The following EPB41L5 variants were observed in gnomAD, a reference collection of about 807,000 sequenced individuals.
EPB41L5 encodes erythrocyte membrane protein band 4.1 like 5.
A neutral mutation model predicts 106.6 loss-of-function variants in EPB41L5; 55 were observed. The ratio of observed to expected loss-of-function variants is 0.52; its 90% CI spans 0.42 to 0.65. EPB41L5 has a LOEUF of 0.65. Ranked by LOEUF, EPB41L5 falls within the 30% of genes least tolerant of loss-of-function variation. The pLI, the probability that EPB41L5 is intolerant of heterozygous loss-of-function variation, is 0.00. For synonymous variants in EPB41L5, 297 were observed against 306.7 expected (o/e 0.97, Z 0.33); for missense variants, 871 against 882.1 (o/e 0.99, Z 0.16).
intron 16 of EPB41L5, among the ~76,000 whole-genome samples, chr2:120,126,921 T>C (rs1471250169): frequency 1.3e-5 from 2 of 152,198 alleles, no homozygotes; most frequent in African/African-American, 4.8e-5. Context: ...AGTCTATTTA[T>C]TTAGATCTCC....
At chr2:120,085,602 T>G (rs151256449) in intron 10 of EPB41L5, among the ~76,000 whole-genome samples, 628 of 152,336 alleles carry the variant, frequency 4.1e-3, no homozygotes, top group Non-Finnish European at 6.6e-3. Context: ...GATCTCAAAC[T>G]CCGTGCTGAG....
intron 3 of EPB41L5, among the ~76,000 whole-genome samples, chr2:120,052,025 C>T (rs1680324052): frequency 6.6e-6 from 1 of 152,182 alleles, no homozygotes; most frequent in African/African-American, 2.4e-5. Context: ...CAGGGTTTCA[C>T]CACATTGGCC....
chr2:120,123,989 T>C (rs1161896155), intron 16 of EPB41L5, among the ~76,000 whole-genome samples: 1 of 152,112 alleles, frequency 6.6e-6, no homozygotes, highest in Non-Finnish European at 1.5e-5. Flanking sequence ...CTTTCTCCCC[T>C]TATTCTTGTG....
chr2:120,068,425 C>T (rs1446282979), intron 3 of EPB41L5, among the ~76,000 whole-genome samples: 1 of 152,194 alleles, frequency 6.6e-6, no homozygotes, highest in African/African-American at 2.4e-5. Context: ...GGATCTCACT[C>T]CCATGGAGCC....
chr2:120,028,020 A>G lies in EPB41L5; in HGVS notation c.180+8756A>G, dbSNP rs144826028. 7.6e-3 allele frequency among the ~76,000 whole-genome samples: 1,160 copies of G among 151,654 alleles called. 12 individuals are homozygous for G. Among genetic ancestry groups the G allele is most frequent in the African/African-American group, 0.027 (1,100 of 41,334 alleles). On this transcript the variant is annotated intron_variant, in intron 2 of 24. Transcript: ENST00000263713. The stretch of plus-strand genomic sequence containing the variant: ...TGGGATTACAGGCGCCCACCACCAC[A>G]CCCAGCTAATTTTTGTTATTTTTAG...
At chr2:120,103,860 T>G (rs979766537) in intron 16 of EPB41L5, among the ~76,000 whole-genome samples, 1 of 152,230 alleles carries the variant, frequency 6.6e-6, no homozygotes, top group Non-Finnish European at 1.5e-5. Flanking sequence ...ATTGGTATTT[T>G]TCATTACATG....
intron 10 of EPB41L5, among the ~76,000 whole-genome samples, chr2:120,079,273 A>G (rs780903098): frequency 6.5e-4 from 99 of 152,284 alleles, no homozygotes; most frequent in Non-Finnish European, 8.5e-4. Context: ...ATAGCCCACT[A>G]CGTATATTTT....
intron 2 of EPB41L5, among the ~76,000 whole-genome samples, chr2:120,026,031 A>G (rs1290318408): frequency 3.9e-5 from 6 of 152,198 alleles, no homozygotes; most frequent in Admixed American, 2.0e-4. Context: ...TAAAAAGAAT[A>G]GTCTTTTTAA....
chr2:120,078,809 A>G (rs1245787951), intron 10 of EPB41L5, among the ~76,000 whole-genome samples: 2 of 152,132 alleles, frequency 1.3e-5, no homozygotes, highest in Non-Finnish European at 2.9e-5. Flanking sequence ...ACCACAATCT[A>G]TATCTTGATA....
At chr2:120,152,842 G>T (rs1480409792) in intron 20 of EPB41L5, among the ~76,000 whole-genome samples, 1 of 152,164 alleles carries the variant, frequency 6.6e-6, no homozygotes, top group Non-Finnish European at 1.5e-5. Flanking sequence ...TTGTTTTCAG[G>T]AATGTTTGCA....
intron 16 of EPB41L5, among the ~76,000 whole-genome samples, 183 bp from the exon 17 acceptor site, chr2:120,127,505 A>G (rs960842862): frequency 5.9e-5 from 9 of 152,170 alleles, no homozygotes; most frequent in East Asian, 5.8e-4. Flanking sequence ...TATAAATGCT[A>G]TGTAAATAGT....
intron 3 of EPB41L5, among the ~76,000 whole-genome samples, chr2:120,055,106 G>A (rs1680557938): frequency 6.6e-6 from 1 of 151,972 alleles, no homozygotes; most frequent in South Asian, 2.1e-4. Flanking sequence ...CAGGCAATCC[G>A]CCTGCCTCGG....
chr2:120,076,184 T>TC (rs2105326012), intron 7 of EPB41L5, among the ~76,000 whole-genome samples: 1 of 152,346 alleles, frequency 6.6e-6, no homozygotes, highest in East Asian at 1.9e-4. Context: ...TGCTGCTTTC[T>TC]CCCCCCGATT....
chr2:120,090,478 A>T lies in EPB41L5; in HGVS notation c.1005A>T (p.Arg335=). 6.2e-7 allele frequency: 1 copy of T among 1,613,588 alleles called. No homozygotes were observed. The highest frequency in any genetic ancestry group is 8.5e-7 in the Non-Finnish European group (1 of 1,179,752). ...LRGPVQKSSH[R]SGFIRLGSRF... ...GCCCCGTCCAAAAGAGTTCTCATCGATCAGGATTTATTCGACTAGGATCAC... is the reference window on the plus strand; with the variant it reads ...GCCCCGTCCAAAAGAGTTCTCATCGTTCAGGATTTATTCGACTAGGATCAC... Residue 335 remains arginine, a synonymous_variant, in exon 12 of 25, where the codon CGA becomes CGT. Transcript: ENST00000263713.
intron 10 of EPB41L5, among the ~76,000 whole-genome samples, chr2:120,082,633 G>A (rs1397206425): frequency 6.6e-6 from 1 of 152,182 alleles, no homozygotes; most frequent in Non-Finnish European, 1.5e-5. Flanking sequence ...ATGCGTTAGG[G>A]AAGATTCCCT....
intron 2 of EPB41L5, among the ~76,000 whole-genome samples, chr2:120,035,606 G>T (rs981655151): frequency 3.9e-5 from 6 of 152,164 alleles, no homozygotes; most frequent in African/African-American, 1.4e-4. Context: ...CGAGTTTGAG[G>T]CTGTAGTGCA....
intron 11 of EPB41L5, among the ~76,000 whole-genome samples, chr2:120,089,769 A>G (rs1015402585): frequency 3.9e-5 from 6 of 152,124 alleles, no homozygotes; most frequent in Non-Finnish European, 8.8e-5. Context: ...AGGTGTATGT[A>G]GATTCTGGAG....
At chr2:120,055,543 C>T (rs1405259299) in intron 3 of EPB41L5, among the ~76,000 whole-genome samples, 1 of 125,392 alleles carries the variant, frequency 8.0e-6, no homozygotes, top group Admixed American at 1.0e-4. Flanking sequence ...GGCTGGAGTG[C>T]AGTGGTGTGA....
At chr2:120,162,240 A>C (rs1372447517) in intron 21 of EPB41L5, among the ~76,000 whole-genome samples, 3 of 152,188 alleles carry the variant, frequency 2.0e-5, no homozygotes, top group African/African-American at 7.2e-5. Context: ...GCTCATCCCA[A>C]CTTCTGCCTT....
Sources: gnomAD v4.1 joint callset for allele counts (sites outside exome capture counted in the v4.1 genomes callset) on GRCh38, gnomAD v4.1.1 for gene constraint, MANE v1.5 for transcripts, NCBI Gene and HGNC (gene_info 2026-07-23, HGNC 2026-07-21) for gene names.